The following CADM2 variants were observed in gnomAD, a reference collection of about 807,000 sequenced individuals.
CADM2 encodes cell adhesion molecule 2.
A neutral mutation model predicts 49.8 loss-of-function variants in CADM2; 12 were observed. The observed-to-expected ratio is 0.24, with a 90% CI of 0.15 to 0.39. The LOEUF is 0.39. Ranked by LOEUF, CADM2 falls within the 10% of genes least tolerant of loss-of-function variation. The pLI, the probability that CADM2 is intolerant of heterozygous loss-of-function variation, is 1.00. For synonymous variants in CADM2, 214 were observed against 175.4 expected, an observed-to-expected ratio of 1.22 and a Z score of -1.74; for missense variants, 378 against 492.3, an observed-to-expected ratio of 0.77 and a Z score of 2.20.
At chr3:85,852,845 G>T (rs1419110563) in intron 3 of CADM2, among the ~76,000 whole-genome samples, 2 of 151,964 alleles carry the variant, frequency 1.3e-5, no homozygotes, top group African/African-American at 4.8e-5. Context: ...TTCACTCCTT[G>T]TAGCCCCATC....
Position 85,115,864 on chromosome 3 carries a change from C to G in CADM2, c.61+156196C>G, listed in dbSNP as rs2107579487. On this transcript the variant is annotated intron_variant, in intron 1 of 9. Transcript: ENST00000383699. Reference sequence around the variant, plus strand: ...AGTGTGTGTTGAATTGGATTACATTCTCTATCTCATCCAGTGCCTCTTGTA... The same window carrying G: ...AGTGTGTGTTGAATTGGATTACATTGTCTATCTCATCCAGTGCCTCTTGTA... Among the ~76,000 whole-genome samples the G allele has an allele frequency of 1.3e-5, 2 of 152,262 alleles. 1 individual carries two copies. Among genetic ancestry groups the G allele is most frequent in the Middle Eastern group, 6.8e-3 (2 of 294 alleles).
At chr3:85,232,747 G>T (rs930321841) in intron 1 of CADM2, among the ~76,000 whole-genome samples, 1 of 152,118 alleles carries the variant, frequency 6.6e-6, no homozygotes, top group Non-Finnish European at 1.5e-5. Flanking sequence ...AATGGCTAAA[G>T]GCTAACAAAG....
intron 1 of CADM2, among the ~76,000 whole-genome samples, chr3:85,288,299 T>C (rs2106919565): frequency 6.6e-6 from 1 of 152,190 alleles, no homozygotes; most frequent in East Asian, 1.9e-4. Flanking sequence ...AGTAGAAGTA[T>C]AAAATCTTGC....
rs1472833950 is a variant in CADM2, at chr3:86,068,435, T to A, written c.*1652T>A. On this transcript the variant is annotated 3_prime_UTR_variant, in exon 10 of 10. Coordinates refer to ENST00000383699, the MANE Select transcript of CADM2 (RefSeq NM_001167675.2). ...TGCACCTTTAAGAAGAAAACAAATATGACAGTATGGTAGCTATACTTGTGA... is the reference window on the plus strand; with the variant it reads ...TGCACCTTTAAGAAGAAAACAAATAAGACAGTATGGTAGCTATACTTGTGA... The A allele has an allele frequency of 6.6e-6, 1 of 152,032 alleles. No homozygotes were observed. Among genetic ancestry groups the A allele is most frequent in the East Asian group, 1.9e-4 (1 of 5,178 alleles). The allele number at this position is 152,032 out of a possible 1,614,324, so 9.4% of individuals were successfully genotyped here. A position where few individuals can be genotyped will look rare whatever the true frequency, so the allele number is the denominator to read the frequency against.
chr3:85,449,369 C>A (rs2037643543), intron 1 of CADM2, among the ~76,000 whole-genome samples: 1 of 151,752 alleles, frequency 6.6e-6, no homozygotes, highest in African/African-American at 2.4e-5. Flanking sequence ...TTTTTTAAGT[C>A]AAATTGCACT....
chr3:85,633,041 C>T lies in CADM2; in HGVS notation c.62-93481C>T, dbSNP rs527769291. ...GAACCTTGGGAAACCTGCATAGTAT[C>T]GTCAAGTACACGTACTATTTGTGAA... On this transcript the variant is annotated intron_variant, in intron 1 of 9. Coordinates refer to ENST00000383699, the MANE Select transcript of CADM2 (RefSeq NM_001167675.2). Among the ~76,000 whole-genome samples, 12 of 152,012 alleles carry T rather than the reference C, an allele frequency of 7.9e-5. No homozygotes were observed. In the East Asian group the frequency reaches 1.7e-3, roughly 22 times the overall value.
chr3:85,974,327 C>T (rs1306830092), intron 8 of CADM2, among the ~76,000 whole-genome samples: 1 of 151,620 alleles, frequency 6.6e-6, no homozygotes, highest in African/African-American at 2.4e-5. Context: ...ATGTCTAGCT[C>T]TGTCAAGGGG....
intron 2 of CADM2, among the ~76,000 whole-genome samples, chr3:85,792,105 T>C (rs1385177168): frequency 6.6e-6 from 1 of 152,206 alleles, no homozygotes; most frequent in East Asian, 1.9e-4. Flanking sequence ...AACCAAGTTA[T>C]AAGAGGACCT....
intron 1 of CADM2, among the ~76,000 whole-genome samples, chr3:84,970,892 A>G (rs143246427): frequency 6.6e-6 from 1 of 152,116 alleles, no homozygotes; most frequent in African/African-American, 2.4e-5. Flanking sequence ...TTTTTGTTGC[A>G]ATTTTTGTTG....
intron 1 of CADM2, among the ~76,000 whole-genome samples, chr3:85,445,163 T>C (rs1334216148): frequency 1.3e-5 from 2 of 152,122 alleles, no homozygotes; most frequent in Non-Finnish European, 2.9e-5. Flanking sequence ...ATTTCAATGA[T>C]TTTCCTAAGG....
At chr3:85,171,924 T>C (rs2040639180) in intron 1 of CADM2, among the ~76,000 whole-genome samples, 1 of 152,172 alleles carries the variant, frequency 6.6e-6, no homozygotes, top group Non-Finnish European at 1.5e-5. Context: ...ATAGATTGAA[T>C]TTACACTGCA....
At chr3:85,697,083 C>CCATATATATATGG (rs2066584664) in intron 1 of CADM2, among the ~76,000 whole-genome samples, 1 of 138,508 alleles carries the variant, frequency 7.2e-6, no homozygotes. Flanking sequence ...TATATATATG[C>CCATATATATATGG]CATATATATA....
intron 1 of CADM2, among the ~76,000 whole-genome samples, chr3:85,596,723 C>G (rs2044725): frequency 6.6e-6 from 1 of 151,842 alleles, no homozygotes; most frequent in Non-Finnish European, 1.5e-5. Context: ...CTAGAAACAT[C>G]TGATGATTTC....
chr3:85,498,884 A>T (rs2040007907), intron 1 of CADM2, among the ~76,000 whole-genome samples: 1 of 152,138 alleles, frequency 6.6e-6, no homozygotes, highest in East Asian at 1.9e-4. Context: ...CAATACATAT[A>T]CTCAGAAGGT....
chr3:85,319,597 G>A (rs2044550798), intron 1 of CADM2, among the ~76,000 whole-genome samples: 1 of 151,210 alleles, frequency 6.6e-6, no homozygotes, highest in Non-Finnish European at 1.5e-5. Context: ...TATAAACCAT[G>A]GAATACTATG....
intron 5 of CADM2, among the ~76,000 whole-genome samples, chr3:85,901,972 A>T (rs993386461): frequency 6.6e-6 from 1 of 152,180 alleles, no homozygotes; most frequent in Admixed American, 6.5e-5. Context: ...TATTCTTTAT[A>T]ATTGCCAAAT....
chr3:84,990,593 A>T (rs2107175300), intron 1 of CADM2, among the ~76,000 whole-genome samples: 1 of 152,088 alleles, frequency 6.6e-6, no homozygotes, highest in South Asian at 2.1e-4. Flanking sequence ...TTATTTATTA[A>T]AGTTACTTTT....
chr3:85,487,930 C>G (rs950398584), intron 1 of CADM2, among the ~76,000 whole-genome samples: 1 of 151,952 alleles, frequency 6.6e-6, no homozygotes, highest in Non-Finnish European at 1.5e-5. Context: ...TTCCTCTTGC[C>G]CCTGCTAATT....
At chr3:85,408,889 G>A (rs569796383) in intron 1 of CADM2, among the ~76,000 whole-genome samples, 3 of 152,184 alleles carry the variant, frequency 2.0e-5, no homozygotes, top group South Asian at 4.1e-4. Context: ...AAATATTAAA[G>A]CCAATGTGTC....
Sources: allele counts gnomAD v4.1 joint callset (sites outside exome capture counted in the v4.1 genomes callset), GRCh38; gene constraint gnomAD v4.1.1; transcripts MANE v1.5; gene names NCBI Gene and HGNC (gene_info 2026-07-23, HGNC 2026-07-21).